KCTD16: variants seen among roughly 807,000 people sequenced by gnomAD.
The protein encoded by KCTD16 is BTB/POZ domain-containing protein KCTD16.
In KCTD16, 13 loss-of-function variants were observed where a neutral mutation model predicts 33.2. That is an observed-to-expected ratio of 0.39 (90% CI 0.25 to 0.62). KCTD16 has a LOEUF of 0.62. Ranked by LOEUF, KCTD16 falls within the 20% of genes least tolerant of loss-of-function variation. The pLI is 0.50. For synonymous variants in KCTD16, 197 were observed against 195.3 expected (o/e 1.01, Z -0.07); for missense variants, 441 against 525.1 (o/e 0.84, Z 1.57).
intron 2 of KCTD16, chr5:144,205,366 T>C (rs1237464218): frequency 2.5e-6 from 1 of 396,320 alleles, no homozygotes; most frequent in Non-Finnish European, 4.4e-6. Context: ...GGATGGTTTC[T>C]TGCCTGCACT....
chr5:144,220,809 C>T (rs1172347255), intron 3 of KCTD16, among the ~76,000 whole-genome samples: 5 of 151,982 alleles, frequency 3.3e-5, no homozygotes, highest in East Asian at 1.9e-4. Flanking sequence ...GGCGTGGTGG[C>T]GGGCACCTGT....
At chr5:144,375,924 C>A (rs934981323) in intron 3 of KCTD16, among the ~76,000 whole-genome samples, 18 of 152,138 alleles carry the variant, frequency 1.2e-4, no homozygotes, top group African/African-American at 4.3e-4. Flanking sequence ...GATTCTCCTG[C>A]CTCAGCCTCC....
At chr5:144,423,047 G>A (rs1017012175) in intron 3 of KCTD16, among the ~76,000 whole-genome samples, 3 of 152,106 alleles carry the variant, frequency 2.0e-5, no homozygotes, top group Non-Finnish European at 4.4e-5. Context: ...ACAAAATGGA[G>A]CCATATATGA....
At chr5:144,421,303 A>G (rs1411893284) in intron 3 of KCTD16, among the ~76,000 whole-genome samples, 1 of 152,164 alleles carries the variant, frequency 6.6e-6, no homozygotes, top group Non-Finnish European at 1.5e-5. Context: ...TCTCTCTGCA[A>G]AAAGGTGATT....
At chr5:144,359,117 G>A (rs891510563) in intron 3 of KCTD16, among the ~76,000 whole-genome samples, 2 of 152,170 alleles carry the variant, frequency 1.3e-5, no homozygotes, top group Non-Finnish European at 1.5e-5. Context: ...TGACGACGCA[G>A]TCATACCCAA....
At chr5:144,238,509 T>C (rs1405718649) in intron 3 of KCTD16, among the ~76,000 whole-genome samples, 1 of 152,156 alleles carries the variant, frequency 6.6e-6, no homozygotes, top group Admixed American at 6.6e-5. Flanking sequence ...GCCTAGGAAG[T>C]GTAGCAGAGT....
chr5:144,400,145 T>C (rs1752670037), intron 3 of KCTD16, among the ~76,000 whole-genome samples: 1 of 152,216 alleles, frequency 6.6e-6, no homozygotes, highest in African/African-American at 2.4e-5. Context: ...GGAAGGTAGT[T>C]TGGCTTAACC....
chr5:144,193,501 T>C (rs1414904730), intron 2 of KCTD16, among the ~76,000 whole-genome samples: 1 of 152,162 alleles, frequency 6.6e-6, no homozygotes, highest in African/African-American at 2.4e-5. Context: ...GTATCAATCC[T>C]CTTCTCCTTG....
chr5:144,213,343 TTC>T (rs1030574532), intron 3 of KCTD16, among the ~76,000 whole-genome samples: 5 of 151,920 alleles, frequency 3.3e-5, no homozygotes, highest in Non-Finnish European at 7.4e-5. Context: ...CTATTCCCTT[TTC>T]TCTCTCTCTT....
At chr5:144,186,701 C>G (rs949091056) in intron 2 of KCTD16, among the ~76,000 whole-genome samples, 1 of 152,122 alleles carries the variant, frequency 6.6e-6, no homozygotes, top group Non-Finnish European at 1.5e-5. Flanking sequence ...GCAATATACT[C>G]TATGTATGTT....
chr5:144,295,491 G>A (rs553336785), intron 3 of KCTD16, among the ~76,000 whole-genome samples: 2 of 152,248 alleles, frequency 1.3e-5, no homozygotes, highest in South Asian at 4.2e-4. Flanking sequence ...ACCCTTCAGG[G>A]GTTTCTGGAG....
intron 3 of KCTD16, among the ~76,000 whole-genome samples, chr5:144,433,489 G>C (rs1753511675): frequency 6.6e-6 from 1 of 152,084 alleles, no homozygotes; most frequent in African/African-American, 2.4e-5. Flanking sequence ...TATAACATCT[G>C]ATTTTTTTAA....
intron 3 of KCTD16, among the ~76,000 whole-genome samples, chr5:144,415,529 T>C (rs1430666245): frequency 1.3e-5 from 2 of 152,156 alleles, no homozygotes; most frequent in Non-Finnish European, 2.9e-5. Context: ...TTTTAAACAA[T>C]TGGGACTCAA....
chr5:144,406,823 G>C (rs1447351299), intron 3 of KCTD16, among the ~76,000 whole-genome samples: 1 of 152,190 alleles, frequency 6.6e-6, no homozygotes, highest in Non-Finnish European at 1.5e-5. Context: ...GCAAGCTTCT[G>C]CTGGGGTATT....
At chr5:144,437,344 C>T (rs1123824) in intron 3 of KCTD16, among the ~76,000 whole-genome samples, 11,887 of 152,146 alleles carry the variant, frequency 0.078, 1,550 homozygotes, top group African/African-American at 0.27. Context: ...TTCAGCAAGA[C>T]CACGGAGCAG....
At chr5:144,250,070 G>C (rs1413363197) in intron 3 of KCTD16, among the ~76,000 whole-genome samples, 1 of 152,132 alleles carries the variant, frequency 6.6e-6, no homozygotes, top group African/African-American at 2.4e-5. Flanking sequence ...ATATTTCTCA[G>C]ACTCCGGCTG....
At chr5:144,307,233 T>C (rs1751625726) in intron 3 of KCTD16, among the ~76,000 whole-genome samples, 1 of 152,204 alleles carries the variant, frequency 6.6e-6, no homozygotes, top group Non-Finnish European at 1.5e-5. Flanking sequence ...ATCTCCTCCA[T>C]AGAAACTGCT....
intron 3 of KCTD16, among the ~76,000 whole-genome samples, chr5:144,377,176 C>A (rs1399566952): frequency 6.6e-6 from 1 of 152,184 alleles, no homozygotes; most frequent in Admixed American, 6.5e-5. Flanking sequence ...GAGAAACATC[C>A]CCTATTGGAC....
Position 144,481,667 on chromosome 5 carries a change from G to T in KCTD16, c.*7553G>T, listed in dbSNP as rs553428609. 5.3e-5 allele frequency: 8 copies of T among 151,954 alleles called. No individual in the cohort carries two copies. Among genetic ancestry groups the T allele is most frequent in the Admixed American group, 2.0e-4 (3 of 15,216 alleles). The allele number at this position is 151,954 out of a possible 1,614,324, so 9.4% of individuals were successfully genotyped here. Reference sequence around the variant, plus strand: ...GAAAGTTTAAATCGGTCATTTATTTGTTTGTTTATGCATATATCCAGCAAA... The same window carrying T: ...GAAAGTTTAAATCGGTCATTTATTTTTTTGTTTATGCATATATCCAGCAAA... On this transcript the variant is annotated 3_prime_UTR_variant, in exon 4 of 4. Coordinates refer to ENST00000512467, the MANE Select transcript of KCTD16 (RefSeq NM_020768.4).
Sources: gnomAD v4.1 joint callset for allele counts (sites outside exome capture counted in the v4.1 genomes callset) on GRCh38, gnomAD v4.1.1 for gene constraint, MANE v1.5 for transcripts, NCBI Gene and HGNC (gene_info 2026-07-23, HGNC 2026-07-21) for gene names.